ANKRD31: variants seen among roughly 807,000 people sequenced by gnomAD.
The protein encoded by ANKRD31 is ankyrin repeat domain 31, also known as ankyrin repeat domain-containing protein 31.
A neutral mutation model predicts 186.0 loss-of-function variants in ANKRD31; 147 were observed. The observed-to-expected ratio is 0.79, with a 90% CI of 0.69 to 0.91. The LOEUF is 0.91. Among genes scored for constraint, ANKRD31 ranks in the 40% least tolerant of loss-of-function variants. The pLI, the probability that ANKRD31 is intolerant of heterozygous loss-of-function variation, is 0.00. For synonymous variants in ANKRD31, 673 were observed against 736.4 expected (o/e 0.91, Z 1.39); for missense variants, 1,986 against 2,148.8 (o/e 0.92, Z 1.50).
intron 22 of ANKRD31, among the ~76,000 whole-genome samples, chr5:75,095,625 T>G (rs1475591884): frequency 6.6e-6 from 1 of 152,194 alleles, no homozygotes; most frequent in Non-Finnish European, 1.5e-5. Context: ...ATATGCTACC[T>G]GCCCATCAGT....
At chr5:75,220,878 T>A (rs1175825961) in intron 3 of ANKRD31, among the ~76,000 whole-genome samples, 1 of 152,050 alleles carries the variant, frequency 6.6e-6, no homozygotes, top group East Asian at 1.9e-4. Flanking sequence ...AGTGGGCAGA[T>A]CCCTTGCAGT....
chr5:75,182,719 TAAA>T (rs74813977), intron 10 of ANKRD31, among the ~76,000 whole-genome samples: 2 of 124,818 alleles, frequency 1.6e-5, no homozygotes, highest in African/African-American at 3.0e-5. Context: ...GAGTCCAACT[TAAA>T]AAAAAAAAAA....
chr5:75,196,093 C>T lies in ANKRD31; in HGVS notation c.555G>A (p.Glu185=). 4.6e-6 allele frequency: 7 copies of T among 1,536,938 alleles called. No individual in the cohort carries two copies. Among genetic ancestry groups the T allele is most frequent in the Non-Finnish European group, 6.1e-6 (7 of 1,146,720 alleles). The change falls in exon 7 of 26, where the codon GAG becomes GAA. Residue 185 remains glutamate (E), a synonymous_variant. Transcript: ENST00000506364. ...ATGTATTTGGTGCTGCTAAAATCTT[C>T]TCTGGCTCTACTAATGATGTCTCCT... The part of the protein sequence containing the change: ...AVKETSLVEP[E]KILAAPNTFF...
At chr5:75,182,596 G>T (rs891339014) in intron 10 of ANKRD31, among the ~76,000 whole-genome samples, 6 of 151,874 alleles carry the variant, frequency 4.0e-5, no homozygotes, top group Middle Eastern at 3.2e-3. Context: ...GCAAGCGCCT[G>T]TAATCCCAGC....
intron 20 of ANKRD31, among the ~76,000 whole-genome samples, chr5:75,108,656 A>G (rs775336810): frequency 6.6e-6 from 1 of 152,138 alleles, no homozygotes; most frequent in Non-Finnish European, 1.5e-5. Flanking sequence ...AAATTCCCTC[A>G]GCAAATCAGA....
intron 7 of ANKRD31, among the ~76,000 whole-genome samples, chr5:75,195,057 G>C (rs756853477): frequency 2.8e-4 from 42 of 152,232 alleles, no homozygotes; most frequent in Non-Finnish European, 4.0e-4. Context: ...CCACTACAGA[G>C]CCTCCAGGCA....
chr5:75,117,302 C>G (rs1310559375), intron 18 of ANKRD31, among the ~76,000 whole-genome samples: 1 of 152,084 alleles, frequency 6.6e-6, no homozygotes, highest in Non-Finnish European at 1.5e-5. Flanking sequence ...TCAGGTATAG[C>G]TGTGAAGAGG....
At chr5:75,194,790 C>T (rs1755350848) in intron 7 of ANKRD31, among the ~76,000 whole-genome samples, 1 of 151,658 alleles carries the variant, frequency 6.6e-6, no homozygotes, top group African/African-American at 2.4e-5. Flanking sequence ...TAATATAATC[C>T]CATTAGTATA....
chr5:75,230,700 C>T, intron 1 of ANKRD31, 65 bp from the exon 2 acceptor site: 2 of 1,261,014 alleles, frequency 1.6e-6, no homozygotes, highest in South Asian at 1.3e-5. Flanking sequence ...TAACATTTTA[C>T]CCATCATTTT....
chr5:75,173,677 G>T (rs1242883633), intron 10 of ANKRD31, among the ~76,000 whole-genome samples: 3 of 152,138 alleles, frequency 2.0e-5, no homozygotes, highest in Non-Finnish European at 4.4e-5. Context: ...ACTTACAAGG[G>T]ATGTGAAGGA....
At chr5:75,086,099 C>G (rs1254128359) in intron 23 of ANKRD31, among the ~76,000 whole-genome samples, 2 of 152,090 alleles carry the variant, frequency 1.3e-5, no homozygotes, top group Non-Finnish European at 2.9e-5. Flanking sequence ...TGTGTTATGC[C>G]CTGACAATGT....
At chr5:75,090,670 C>T (rs1158249380) in intron 23 of ANKRD31, among the ~76,000 whole-genome samples, 1 of 152,170 alleles carries the variant, frequency 6.6e-6, no homozygotes, top group East Asian at 1.9e-4. Context: ...GAACATCAGT[C>T]ATTACTGGGC....
intron 2 of ANKRD31, among the ~76,000 whole-genome samples, chr5:75,227,088 A>G (rs777989437): frequency 6.6e-6 from 1 of 152,202 alleles, no homozygotes; most frequent in Admixed American, 6.5e-5. Context: ...TACACAGTGG[A>G]GTACTATTCA....
intron 2 of ANKRD31, among the ~76,000 whole-genome samples, chr5:75,225,886 G>C (rs1471743663): frequency 6.6e-6 from 1 of 152,196 alleles, no homozygotes; most frequent in Non-Finnish European, 1.5e-5. Context: ...ATAAGGCCTT[G>C]AACAGCATTT....
intron 22 of ANKRD31, among the ~76,000 whole-genome samples, chr5:75,096,555 C>T (rs188543281): frequency 1.3e-5 from 2 of 152,132 alleles, no homozygotes; most frequent in Non-Finnish European, 2.9e-5. Context: ...GTTGCAATTG[C>T]TTGTGGCGAT....
In ANKRD31 at chr5:75,178,994, A is replaced by G. The variant is rs537766071; in HGVS notation, c.1564+9499T>C. On this transcript the variant is annotated intron_variant, in intron 10 of 25. Transcript: ENST00000506364. ...AAATTGATAGACCTCTGGCAAGACT[A>G]ATAAAGAAGAAAAGAGAGAAGAATC... Among the ~76,000 whole-genome samples, 8 of 152,322 alleles carry G rather than the reference A, an allele frequency of 5.3e-5. No homozygotes were observed. The East Asian group carries it at 1.5e-3, about 29-fold the overall frequency.
intron 3 of ANKRD31, among the ~76,000 whole-genome samples, chr5:75,212,263 G>C (rs1756696402): frequency 6.6e-6 from 1 of 152,012 alleles, no homozygotes; most frequent in Non-Finnish European, 1.5e-5. Flanking sequence ...CCAGTTCTAA[G>C]TTTTAATATT....
chr5:75,070,267 A>G (rs1455600866), intron 25 of ANKRD31, among the ~76,000 whole-genome samples: 1 of 152,226 alleles, frequency 6.6e-6, no homozygotes, highest in African/African-American at 2.4e-5. Flanking sequence ...AAATCTTTAC[A>G]TATTAATTTA....
chr5:75,146,707 C>T lies in ANKRD31; in HGVS notation c.2704G>A (p.Asp902Asn). 6.5e-7 allele frequency: 1 copy of T among 1,536,294 alleles called. No homozygotes were observed. Among genetic ancestry groups the T allele is most frequent in the East Asian group, 2.4e-5 (1 of 40,872 alleles). Residue 902 changes from aspartate (D) to asparagine (N), a missense_variant, in exon 14 of 26, where the codon GAT becomes AAT. By Grantham distance (23) the Asp-to-Asn change is conservative. Transcript: ENST00000506364. ...TCAGAGGTAGAGCAATCATCATCAT[C>T]ATCATTATCAGAATTTTCCTTTACA... ...SFVKENSDND[D>N]DDDCSTSEKA...
Sources: allele counts gnomAD v4.1 joint callset (sites outside exome capture counted in the v4.1 genomes callset), GRCh38; gene constraint gnomAD v4.1.1; transcripts MANE v1.5; gene names NCBI Gene and HGNC (gene_info 2026-07-23, HGNC 2026-07-21).